ARHGEF1: variants seen among roughly 807,000 people sequenced by gnomAD.
ARHGEF1 encodes the protein 115 kDa guanine nucleotide exchange factor.
A neutral mutation model predicts 119.7 loss-of-function variants in ARHGEF1; 40 were observed. The ratio of observed to expected loss-of-function variants is 0.33; its 90% CI spans 0.26 to 0.44. ARHGEF1 has a LOEUF of 0.44. Ranked by LOEUF, ARHGEF1 falls within the 20% of genes least tolerant of loss-of-function variation. The pLI is 1.00. For synonymous variants in ARHGEF1, 494 were observed against 521.0 expected (o/e 0.95, Z 0.71); for missense variants, 976 against 1,268.3 (o/e 0.77, Z 3.50).
chr19:41,898,125 C>G, intron 13 of ARHGEF1: 2 of 1,393,092 alleles, frequency 1.4e-6, no homozygotes, highest in Non-Finnish European at 1.9e-6. Context: ...TATGTCAACC[C>G]TCTCCCTTCC....
chr19:41,908,914 T>C, downstream of ARHGEF1: 1 of 502,782 alleles, frequency 2.0e-6, no homozygotes, highest in East Asian at 3.5e-5. This position sits in a 1 kb window ranked among gnomAD's most constrained non-coding sequence, Gnocchi z 6.7. Flanking sequence ...CATCACATCC[T>C]TTTCTGGGTT....
chr19:41,922,767 G>A (rs547606734), upstream of ARHGEF1, among the ~76,000 whole-genome samples: 8 of 152,314 alleles, frequency 5.3e-5, no homozygotes, highest in South Asian at 1.2e-3. Flanking sequence ...GGCATCAGGC[G>A]CGGTGCTAAT....
chr19:41,913,435 G>A (rs1248023484), intron 18 of ARHGEF1, among the ~76,000 whole-genome samples: 1 of 142,880 alleles, frequency 7.0e-6, no homozygotes, highest in East Asian at 2.1e-4. Flanking sequence ...CCCCACACCC[G>A]CCCCACCCGG....
rs782668123 is a variant in ARHGEF1 at position 41,904,922 on chromosome 19, G to A, written c.2162-27G>A. On this transcript the variant is annotated intron_variant, in intron 22 of 28. Coordinates refer to ENST00000354532, the MANE Select transcript of ARHGEF1 (RefSeq NM_004706.4). The surrounding 1 kb of genome is among the most constrained non-coding windows in gnomAD (Gnocchi z 8.4). Reference sequence around the variant, plus strand: ...CAGGCACTGGGGGGACCTGGGCTCTGAGCCCCATCTCCCCCTCTCCCTGCA... The same window carrying A: ...CAGGCACTGGGGGGACCTGGGCTCTAAGCCCCATCTCCCCCTCTCCCTGCA... 1.3e-6 allele frequency: 2 copies of A among 1,596,436 alleles called. No individual in the cohort carries two copies. The highest frequency in any genetic ancestry group is 1.1e-5 in the South Asian group (1 of 90,720).
rs868909516 is a variant in ARHGEF1 at position 41,914,649 on chromosome 19, T to C, written c.1865+7846T>C. Among the ~76,000 whole-genome samples, 160 of 17,810 alleles carry C rather than the reference T, an allele frequency of 9.0e-3. 3 individuals are homozygous for C. The highest frequency in any genetic ancestry group is 0.01 in the Non-Finnish European group (112 of 10,774). The allele number at this position is 17,810 out of a possible 152,430, so 11.7% of individuals were successfully genotyped here. ...TCTCTGTCTCTGTCTCTCCCTCCCT[T>C]TCCACCATCTCTGTCTCTCCCTCCC... is the stretch of plus-strand genomic sequence containing the variant. On this transcript the variant is annotated intron_variant, in intron 18 of 20. Coordinates refer to the ARHGEF1 transcript ENST00000599589.
chr19:41,920,439 C>T (rs1033635085), upstream of ARHGEF1, among the ~76,000 whole-genome samples: 3 of 146,598 alleles, frequency 2.0e-5, no homozygotes, highest in East Asian at 4.1e-4. Context: ...AGACATGACA[C>T]GCTCACAGAC....
rs41306984 is a variant in ARHGEF1, at chr19:41,888,266, C to T, written c.99C>T (p.Asn33=). ...GGGCTGAGGATGAGGATTTTGAGAA[C>T]GAGCTGGAGACAGTGAGTGGGAGAT... ...IIGAEDEDFE[N]ELETNSEEQN... is the part of the protein sequence containing the mutation. Residue 33 remains asparagine, a synonymous_variant, in exon 3 of 29, where the codon AAC becomes AAT. Transcript: ENST00000354532. The surrounding 1 kb of genome is among the most constrained non-coding windows in gnomAD (Gnocchi z 5.1). The T allele has an allele frequency of 1.3e-4, 205 of 1,613,938 alleles. No individual in the cohort carries two copies. The highest frequency in any genetic ancestry group is 1.6e-4 in the Non-Finnish European group (191 of 1,179,984).
chr19:41,896,319 G>C, intron 12 of ARHGEF1, 58 bp from the exon 13 acceptor site: 1 of 929,058 alleles, frequency 1.1e-6, no homozygotes, highest in South Asian at 2.5e-5. Context: ...GGCCCCCAGA[G>C]TGTGGGTCTC....
Position 41,902,801 on chromosome 19 carries a change from G to T in ARHGEF1, c.1641G>T (p.Pro547=). Residue 547 remains proline, a synonymous_variant, in exon 18 of 29, where the codon CCG becomes CCT. Transcript: ENST00000354532. The surrounding 1 kb of genome is among the most constrained non-coding windows in gnomAD (Gnocchi z 6.5). ...CAFVQEAESR[P]RCRRLQLKDM... is the part of the protein sequence containing the mutation. ...TCCCGCAGGAAGCTGAGAGCCGCCC[G>T]CGGTGCCGCCGCCTGCAGCTGAAGG... 4 of 1,613,040 alleles carry T rather than the reference G, an allele frequency of 2.5e-6. No homozygotes were observed. The highest frequency in any genetic ancestry group is 3.4e-6 in the Non-Finnish European group (4 of 1,179,994).
chr19:41,926,146 G>C (rs2074869354), intron 1 of ARHGEF1, among the ~76,000 whole-genome samples: 1 of 152,030 alleles, frequency 6.6e-6, no homozygotes, highest in Non-Finnish European at 1.5e-5. Context: ...GAGATAAAAT[G>C]CAGGGATTCC....
At position 41,905,120 on chromosome 19, in the gene ARHGEF1, CCTGGCATAGGGT is replaced by C. The variant is rs1314236201; in HGVS notation, c.2250-50_2250-39del. 6.2e-7 allele frequency: 1 copy of C among 1,611,272 alleles called. No individual in the cohort carries two copies. Among genetic ancestry groups the C allele is most frequent in the Admixed American group, 1.7e-5 (1 of 59,954 alleles). Reference sequence around the variant, plus strand: ...AGGGACAGGAGGGCTGTGGGGAGGCCCTGGCATAGGGTCTGGGGGCTCTGACTGCCCAGGGAT... The same window carrying C: ...AGGGACAGGAGGGCTGTGGGGAGGCCCTGGGGGCTCTGACTGCCCAGGGAT... On this transcript the variant is annotated intron_variant, in intron 23 of 28. Transcript: ENST00000354532. The surrounding 1 kb of genome is among the most constrained non-coding windows in gnomAD (Gnocchi z 6.4).
chr19:41,909,181 G>C, downstream of ARHGEF1: 2 of 1,231,872 alleles, frequency 1.6e-6, no homozygotes, highest in Non-Finnish European at 2.0e-6. The surrounding 1 kb of genome is among the most constrained non-coding windows in gnomAD (Gnocchi z 5.2). Flanking sequence ...GCAGGGTCTA[G>C]AGAGGGAGTG....
In ARHGEF1 at chr19:41,917,289, TCTGTCC is replaced by T. The variant is rs1360461931; in HGVS notation, c.1866-5800_1866-5795del. Among the ~76,000 whole-genome samples the T allele has an allele frequency of 1.3e-5, 2 of 152,240 alleles. No individual in the cohort carries two copies. Among genetic ancestry groups the T allele is most frequent in the South Asian group, 2.1e-4 (1 of 4,814 alleles). ...GTGCATCTCTCTGTCTCTCTCTGTC[TCTGTCC>T]CTCTCTGTCTCTGAGCTCTCTGTCA... On this transcript the variant is annotated intron_variant, in intron 18 of 20. Coordinates refer to the ARHGEF1 transcript ENST00000599589. This position sits in a 1 kb window ranked among gnomAD's most constrained non-coding sequence, Gnocchi z 4.8.
chr19:41,892,951 G>A lies in ARHGEF1; in HGVS notation c.614+102G>A, dbSNP rs1393974942. 8.5e-6 allele frequency: 12 copies of A among 1,412,636 alleles called. No homozygotes were observed. Among genetic ancestry groups the A allele is most frequent in the Non-Finnish European group, 1.0e-5 (11 of 1,081,582 alleles). 87.5% of individuals were successfully genotyped at this position (1,412,636 alleles called of 1,614,324 possible). ...TCCCGTTTGCAGGTTCCCTCTTCAG[G>A]GTCAGAGTTCATTTCTTGGCACTGG... On this transcript the variant is annotated intron_variant, in intron 7 of 28. Transcript: ENST00000354532. This position sits in a 1 kb window ranked among gnomAD's most constrained non-coding sequence, Gnocchi z 6.3.
Position 41,883,274 on chromosome 19 carries a change from T to C in ARHGEF1, c.-35T>C. 1.0e-5 allele frequency: 2 copies of C among 194,070 alleles called. No homozygotes were observed. Among genetic ancestry groups the C allele is most frequent in the Non-Finnish European group, 1.2e-5 (1 of 86,464 alleles). The allele number at this position is 194,070 out of a possible 1,614,324, so 12.0% of individuals were successfully genotyped here. A position where few individuals can be genotyped will look rare whatever the true frequency, so the allele number is the denominator to read the frequency against. ...GACCTCGGGCGCCCCGCCGGTCACC[T>C]CCGCGCGGACACCAGGTACTCGGTC... On this transcript the variant is annotated 5_prime_UTR_variant, in exon 1 of 29. Coordinates refer to ENST00000354532, the MANE Select transcript of ARHGEF1 (RefSeq NM_004706.4). This position sits in a 1 kb window ranked among gnomAD's most constrained non-coding sequence, Gnocchi z 7.6.
rs1451592909 is a variant in ARHGEF1, at chr19:41,892,244, G to T, written c.325-87G>T. On this transcript the variant is annotated intron_variant, in intron 5 of 28. Transcript: ENST00000354532. This position sits in a 1 kb window ranked among gnomAD's most constrained non-coding sequence, Gnocchi z 6.3. Reference sequence around the variant, plus strand: ...GACCCAGGCCTTCCCCAGCACCCTCGCTTAGACCAGGGTTCCTGGCAGTCC... The same window carrying T: ...GACCCAGGCCTTCCCCAGCACCCTCTCTTAGACCAGGGTTCCTGGCAGTCC... 8.2e-6 allele frequency: 13 copies of T among 1,589,288 alleles called. No homozygotes were observed. In the South Asian group the frequency reaches 1.2e-4, roughly 15 times the overall value.
chr19:41,920,747 C>G (rs1018733067), upstream of ARHGEF1, among the ~76,000 whole-genome samples: 1 of 152,238 alleles, frequency 6.6e-6, no homozygotes, highest in Non-Finnish European at 1.5e-5. Context: ...CTCGACTGCA[C>G]TGTGCAGGAC....
rs782425912 is a variant in ARHGEF1, at chr19:41,884,453, G to C, written c.-20+1164G>C. ...GCGGAGCCCGAGCGCGGAGGCTTCG[G>C]TTCCGGTGGCGGCGATGGCTTCTCT... On this transcript the variant is annotated intron_variant, in intron 1 of 28. Coordinates refer to ENST00000354532, the MANE Select transcript of ARHGEF1 (RefSeq NM_004706.4). 30 of 1,606,400 alleles carry C rather than the reference G, an allele frequency of 1.9e-5. No homozygotes were observed. In the East Asian group the frequency reaches 6.7e-4, roughly 36 times the overall value.
intron 14 of ARHGEF1, among the ~76,000 whole-genome samples, chr19:41,900,210 T>G (rs1045941753): frequency 2.6e-5 from 4 of 152,116 alleles, no homozygotes; most frequent in African/African-American, 7.2e-5. Context: ...GGCGCATGCC[T>G]GTAATCCCAG....
Sources: gnomAD v4.1 joint callset for allele counts (sites outside exome capture counted in the v4.1 genomes callset) on GRCh38, gnomAD v4.1.1 for gene constraint, Gnocchi (gnomAD v3.1) non-coding constraint, MANE v1.5 for transcripts, NCBI Gene and HGNC (gene_info 2026-07-23, HGNC 2026-07-21) for gene names.